The following CDH13 variants were observed in gnomAD, a reference collection of about 807,000 sequenced individuals.
CDH13 encodes cadherin-13.
Under a neutral mutation model 63.8 loss-of-function variants are expected in CDH13, and 24 were observed. That is an observed-to-expected ratio of 0.38 (90% CI 0.27 to 0.53). The LOEUF (loss-of-function observed/expected upper bound fraction) is 0.53, where lower values mean the gene tolerates loss of function less well. CDH13 is among the 20% of genes least tolerant of loss of function. CDH13 has a pLI of 0.85. For missense variants in CDH13, 1,049 were observed against 903.1 expected, an observed-to-expected ratio of 1.16 and a Z score of -2.07; for synonymous variants, 503 against 355.3, an observed-to-expected ratio of 1.42 and a Z score of -4.67.
intron 1 of CDH13, among the ~76,000 whole-genome samples, chr16:82,707,598 G>A (rs1434968227): frequency 6.6e-6 from 1 of 152,192 alleles, no homozygotes; most frequent in Non-Finnish European, 1.5e-5. Context: ...GCACTCAGGG[G>A]TGCAGAGGGT....
chr16:83,097,996 G>C (rs549894300), intron 3 of CDH13, among the ~76,000 whole-genome samples: 2 of 152,268 alleles, frequency 1.3e-5, no homozygotes, highest in East Asian at 3.9e-4. Context: ...AGCATATCTG[G>C]ATGGAATGAA....
Position 83,434,919 on chromosome 16 carries a change from A to G in CDH13, c.782-51558A>G, listed in dbSNP as rs1175725050. ...AAATAAACCCCTATTTTATTTATAT[A>G]TATAATATATAAATATATTTTATTT... is the stretch of plus-strand genomic sequence containing the variant. On this transcript the variant is annotated intron_variant, in intron 6 of 13. Transcript: ENST00000567109. Among the ~76,000 whole-genome samples, 3 of 146,350 alleles carry G rather than the reference A, an allele frequency of 2.0e-5. 1 individual carries two copies. Among genetic ancestry groups the G allele is most frequent in the Non-Finnish European group, 4.5e-5 (3 of 66,818 alleles).
chr16:83,030,506 G>A (rs1411857845), intron 2 of CDH13, among the ~76,000 whole-genome samples: 1 of 151,928 alleles, frequency 6.6e-6, no homozygotes, highest in East Asian at 1.9e-4. Flanking sequence ...AGCCAGGCAT[G>A]ATGGCATGCA....
chr16:83,669,835 G>A (rs942744620), intron 8 of CDH13, among the ~76,000 whole-genome samples: 8 of 151,984 alleles, frequency 5.3e-5, no homozygotes, highest in Admixed American at 2.0e-4. Context: ...TCTTCTTTTT[G>A]TCAGCTTATT....
intron 4 of CDH13, among the ~76,000 whole-genome samples, chr16:83,167,267 C>T (rs1297587252): frequency 6.6e-6 from 1 of 151,144 alleles, no homozygotes; most frequent in Admixed American, 6.6e-5. Context: ...GAGGCTGAGG[C>T]AGGTGGATCA....
chr16:83,596,618 T>C (rs1907284047), intron 7 of CDH13, among the ~76,000 whole-genome samples: 1 of 152,142 alleles, frequency 6.6e-6, no homozygotes, highest in African/African-American at 2.4e-5. Flanking sequence ...CATGTGTATA[T>C]TTCAAGTAAG....
intron 2 of CDH13, among the ~76,000 whole-genome samples, chr16:82,897,935 T>G (rs139031132): frequency 6.6e-6 from 1 of 152,384 alleles, no homozygotes; most frequent in Non-Finnish European, 1.5e-5. Context: ...GACTAAGTGT[T>G]AATCTTTATG....
At chr16:82,823,722 T>C (rs1230895899) in intron 1 of CDH13, 2 of 152,172 alleles carry the variant, frequency 1.3e-5, no homozygotes, top group Non-Finnish European at 2.9e-5. Flanking sequence ...ATATTGTGTG[T>C]ATTGAAAGAT....
At chr16:83,438,572 A>T (rs984225762) in intron 6 of CDH13, among the ~76,000 whole-genome samples, 4 of 152,280 alleles carry the variant, frequency 2.6e-5, no homozygotes, top group African/African-American at 9.6e-5. Flanking sequence ...GTCATTCATT[A>T]GTCATGTTTT....
chr16:83,481,815 A>G (rs555263950), intron 6 of CDH13, among the ~76,000 whole-genome samples: 2 of 152,172 alleles, frequency 1.3e-5, no homozygotes, highest in Non-Finnish European at 2.9e-5. Flanking sequence ...TGGAAGCCCC[A>G]ATGCGTGTCT....
At chr16:82,813,521 C>A (rs1353895569) in intron 1 of CDH13, among the ~76,000 whole-genome samples, 1 of 152,122 alleles carries the variant, frequency 6.6e-6, no homozygotes, top group Non-Finnish European at 1.5e-5. Flanking sequence ...GAGTGCTTTT[C>A]TGTAGATAGT....
intron 7 of CDH13, among the ~76,000 whole-genome samples, chr16:83,574,244 C>T (rs1186030618): frequency 2.0e-5 from 3 of 152,040 alleles, no homozygotes; most frequent in Non-Finnish European, 4.4e-5. Flanking sequence ...CAGTGTACAC[C>T]CCTGATGCAT....
At chr16:83,029,744 G>A (rs992016326) in intron 2 of CDH13, among the ~76,000 whole-genome samples, 60 of 152,248 alleles carry the variant, frequency 3.9e-4, no homozygotes, top group African/African-American at 1.4e-3. Context: ...AGGAAGGGAG[G>A]GGACTGGTAA....
intron 8 of CDH13, 89 bp downstream of exon 8, chr16:83,602,683 G>C (rs1907965202): frequency 7.4e-7 from 1 of 1,347,490 alleles, no homozygotes; most frequent in Non-Finnish European, 1.1e-6. Context: ...GCACCTGCTG[G>C]CCCCCCTTTC....
At chr16:83,506,827 G>C (rs946332690) in intron 7 of CDH13, among the ~76,000 whole-genome samples, 2 of 152,208 alleles carry the variant, frequency 1.3e-5, no homozygotes, top group Non-Finnish European at 2.9e-5. Flanking sequence ...CCTACTAATA[G>C]CCAGCATCAA....
chr16:83,612,908 C>A (rs942911859), intron 8 of CDH13, among the ~76,000 whole-genome samples: 1 of 152,016 alleles, frequency 6.6e-6, no homozygotes, highest in Non-Finnish European at 1.5e-5. Context: ...TTATTTATCC[C>A]TGTTTTTGTG....
chr16:83,253,362 G>T (rs181507525), intron 5 of CDH13, among the ~76,000 whole-genome samples: 5 of 152,302 alleles, frequency 3.3e-5, no homozygotes, highest in Admixed American at 6.5e-5. Context: ...CGTGAGTGTG[G>T]CTCTAGAAAG....
chr16:82,918,334 A>AT (rs1443644519), intron 2 of CDH13, among the ~76,000 whole-genome samples: 1 of 152,154 alleles, frequency 6.6e-6, no homozygotes, highest in Non-Finnish European at 1.5e-5. Flanking sequence ...GAAAATGGTG[A>AT]TTAGAATCTC....
At chr16:83,732,890 C>G (rs1911175825) in intron 10 of CDH13, among the ~76,000 whole-genome samples, 1 of 152,200 alleles carries the variant, frequency 6.6e-6, no homozygotes, top group African/African-American at 2.4e-5. Flanking sequence ...ATTGACTTTT[C>G]TGCCCATTCA....
Sources: allele counts gnomAD v4.1 joint callset (sites outside exome capture counted in the v4.1 genomes callset), GRCh38; gene constraint gnomAD v4.1.1; transcripts MANE v1.5; gene names NCBI Gene and HGNC (gene_info 2026-07-23, HGNC 2026-07-21).